The following GABRB3 variants were observed in gnomAD, a reference collection of about 807,000 sequenced individuals.
GABRB3 encodes the protein gamma-aminobutyric acid receptor subunit beta-3.
In GABRB3, 14 loss-of-function variants were observed where a neutral mutation model predicts 52.1. That is an observed-to-expected ratio of 0.27 (90% confidence interval 0.18 to 0.42). The LOEUF (loss-of-function observed/expected upper bound fraction) is 0.42. Ranked by LOEUF, GABRB3 falls within the 10% of genes least tolerant of loss-of-function variation. The probability of loss-of-function intolerance (pLI) is 1.00; values close to 1 mark genes in which losing one functional copy is unlikely to be tolerated. For missense variants in GABRB3, 307 were observed against 609.1 expected, an observed-to-expected ratio of 0.50 and a Z score of 5.22; for synonymous variants, 260 against 232.3, an observed-to-expected ratio of 1.12 and a Z score of -1.08.
chr15:26,569,512 C>A (rs1037644158), intron 6 of GABRB3, among the ~76,000 whole-genome samples: 1 of 152,198 alleles, frequency 6.6e-6, no homozygotes, highest in Non-Finnish European at 1.5e-5. Flanking sequence ...CACAAGGACT[C>A]TATAAATACA....
chr15:26,644,423 G>A (rs1018302598), intron 3 of GABRB3, among the ~76,000 whole-genome samples: 7 of 152,166 alleles, frequency 4.6e-5, no homozygotes, highest in African/African-American at 1.4e-4. Context: ...AGACAGACAC[G>A]CACACAGAGA....
intron 4 of GABRB3, among the ~76,000 whole-genome samples, chr15:26,604,313 A>T (rs1891699721): frequency 6.6e-6 from 1 of 152,154 alleles, no homozygotes; most frequent in Non-Finnish European, 1.5e-5. Flanking sequence ...GATTGGAAGA[A>T]TCATTATTGT....
chr15:26,624,076 T>C, intron 3 of GABRB3: 1 of 436,070 alleles, frequency 2.3e-6, no homozygotes, highest in Non-Finnish European at 3.1e-6. Flanking sequence ...TGCAGAGGCC[T>C]CCGAGGAGTG....
At chr15:26,624,190 C>G in intron 3 of GABRB3, 1 of 985,376 alleles carries the variant, frequency 1.0e-6, no homozygotes. Context: ...GCATATTCCG[C>G]CCCTTCATCA....
chr15:26,747,870 CT>C (rs980636806), intron 3 of GABRB3, among the ~76,000 whole-genome samples: 88 of 130,270 alleles, frequency 6.8e-4, no homozygotes, highest in Admixed American at 1.8e-3. Flanking sequence ...CTCCCCTATT[CT>C]TTTTTTTTCT....
intron 3 of GABRB3, among the ~76,000 whole-genome samples, chr15:26,754,265 G>T (rs937541192): frequency 3.9e-5 from 6 of 152,160 alleles, no homozygotes; most frequent in African/African-American, 1.4e-4. Flanking sequence ...AGCAACAAGG[G>T]TTCTCGAAAG....
At chr15:26,754,999 T>C (rs1890620385) in intron 3 of GABRB3, among the ~76,000 whole-genome samples, 2 of 130,952 alleles carry the variant, frequency 1.5e-5, no homozygotes, top group South Asian at 2.6e-4. Flanking sequence ...TTAGAGCCTC[T>C]AACAACTTTT....
intron 3 of GABRB3, among the ~76,000 whole-genome samples, chr15:26,694,127 C>T (rs905470311): frequency 1.3e-5 from 2 of 152,096 alleles, no homozygotes; most frequent in Admixed American, 1.3e-4. Context: ...TAAAAGAAAT[C>T]ATCTTAAAAT....
At chr15:26,629,165 G>A in intron 3 of GABRB3, 2 of 1,497,324 alleles carry the variant, frequency 1.3e-6, no homozygotes, top group Non-Finnish European at 1.8e-6. Context: ...AGTGTGGGGA[G>A]AAGCAGCTCC....
chr15:26,708,560 G>A (rs1566813857), intron 3 of GABRB3, among the ~76,000 whole-genome samples: 1 of 152,288 alleles, frequency 6.6e-6, no homozygotes, highest in East Asian at 1.9e-4. Context: ...TATATGGGAG[G>A]GGGTGAAAGA....
At position 26,544,522 on chromosome 15, in the gene GABRB3, A is replaced by G. The variant is rs1889154603; in HGVS notation, c.*3271T>C. ...GAAATATTATCATGACATACTTTCT[A>G]GTTCGTTTGAGATTCAGGGGAAATG... On this transcript the variant is annotated 3_prime_UTR_variant, in exon 9 of 9. Transcript: ENST00000311550. The G allele has an allele frequency of 6.6e-6, 1 of 152,214 alleles. No homozygotes were observed. Among genetic ancestry groups the G allele is most frequent in the Admixed American group, 6.5e-5 (1 of 15,278 alleles). The allele number at this position is 152,214 out of a possible 1,614,324, so 9.4% of individuals were successfully genotyped here.
At chr15:26,701,887 G>C (rs10083667) in intron 3 of GABRB3, among the ~76,000 whole-genome samples, 1 of 152,004 alleles carries the variant, frequency 6.6e-6, no homozygotes, top group African/African-American at 2.4e-5. Flanking sequence ...TATACATGGA[G>C]AGATCAATGA....
chr15:26,635,450 A>G (rs1438883556), intron 3 of GABRB3, among the ~76,000 whole-genome samples: 1 of 152,060 alleles, frequency 6.6e-6, no homozygotes, highest in Non-Finnish European at 1.5e-5. Flanking sequence ...AGTTTGTATT[A>G]TTAGATTTGC....
At chr15:26,617,497 T>A (rs923912808) in intron 4 of GABRB3, among the ~76,000 whole-genome samples, 69 of 152,288 alleles carry the variant, frequency 4.5e-4, no homozygotes, top group African/African-American at 1.6e-3. Flanking sequence ...ATAAATTAGG[T>A]ATTGATGGGA....
intron 3 of GABRB3, among the ~76,000 whole-genome samples, chr15:26,732,667 A>G (rs949457429): frequency 4.6e-5 from 7 of 151,770 alleles, no homozygotes; most frequent in African/African-American, 1.7e-4. Flanking sequence ...TCCCAGGTAC[A>G]AGCAATTCCC....
At chr15:26,610,281 C>T (rs1391820400) in intron 4 of GABRB3, among the ~76,000 whole-genome samples, 1 of 152,174 alleles carries the variant, frequency 6.6e-6, no homozygotes, top group Middle Eastern at 3.2e-3. Flanking sequence ...GGATTTGAGA[C>T]TGATCTCCCA....
At chr15:26,561,205 T>G (rs1463623149) in intron 7 of GABRB3, 29 bp from the exon 8 acceptor site, 1 of 1,612,102 alleles carries the variant, frequency 6.2e-7, no homozygotes, top group Non-Finnish European at 8.5e-7. Context: ...GGTGAGAGGC[T>G]GAAACTTTGC....
At chr15:26,770,262 A>G (rs545555231) in intron 3 of GABRB3, among the ~76,000 whole-genome samples, 1 of 152,306 alleles carries the variant, frequency 6.6e-6, no homozygotes, top group South Asian at 2.1e-4. Context: ...GGGATCCTCA[A>G]TATTTGTTTA....
intron 3 of GABRB3, among the ~76,000 whole-genome samples, chr15:26,661,420 A>C (rs1887546920): frequency 6.6e-6 from 1 of 152,186 alleles, no homozygotes; most frequent in Non-Finnish European, 1.5e-5. Flanking sequence ...TCTGAGAGCC[A>C]AGTCAAATTA....
Sources: allele counts gnomAD v4.1 joint callset (sites outside exome capture counted in the v4.1 genomes callset), GRCh38; gene constraint gnomAD v4.1.1; transcripts MANE v1.5; gene names NCBI Gene and HGNC (gene_info 2026-07-23, HGNC 2026-07-21).